LRP1B: variants seen among roughly 807,000 people sequenced by gnomAD.
LRP1B encodes the protein LDL receptor related protein 1B.
A neutral mutation model predicts 556.6 loss-of-function variants in LRP1B; 217 were observed. That is an observed-to-expected ratio of 0.39 (90% CI 0.35 to 0.44). The LOEUF is 0.44. Ranked by LOEUF, LRP1B falls within the 20% of genes least tolerant of loss-of-function variation. The pLI, the probability that LRP1B is intolerant of heterozygous loss-of-function variation, is 1.00. For missense variants in LRP1B, 5,053 were observed against 5,620.8 expected (o/e 0.90, Z 3.23); for synonymous variants, 2,047 against 1,865.8 (o/e 1.10, Z -2.50).
chr2:141,292,295 T>C (rs1686003045), intron 3 of LRP1B, among the ~76,000 whole-genome samples: 2 of 152,192 alleles, frequency 1.3e-5, no homozygotes, highest in Admixed American at 6.5e-5. Flanking sequence ...ACCAAAAATG[T>C]TGGGGACCAC....
intron 2 of LRP1B, among the ~76,000 whole-genome samples, chr2:141,733,009 T>C (rs1693333318): frequency 6.6e-6 from 1 of 152,088 alleles, no homozygotes; most frequent in Non-Finnish European, 1.5e-5. Context: ...ATATTCTAGT[T>C]CCAATGGCAA....
chr2:142,052,260 C>G (rs1704489431), intron 1 of LRP1B, among the ~76,000 whole-genome samples: 1 of 151,928 alleles, frequency 6.6e-6, no homozygotes, highest in African/African-American at 2.4e-5. Flanking sequence ...CTTTAAAACC[C>G]CTATAAACAT....
chr2:140,926,250 A>T (rs1157004970), intron 20 of LRP1B, among the ~76,000 whole-genome samples: 1 of 152,036 alleles, frequency 6.6e-6, no homozygotes, highest in Non-Finnish European at 1.5e-5. Context: ...GCACATACAC[A>T]TCATTAATGT....
At chr2:141,769,286 C>T (rs915411651) in intron 2 of LRP1B, among the ~76,000 whole-genome samples, 1 of 152,180 alleles carries the variant, frequency 6.6e-6, no homozygotes, top group African/African-American at 2.4e-5. Context: ...ACTGTGCAAA[C>T]AATTTCTGCA....
At chr2:140,701,472 T>G (rs1054948787) in intron 40 of LRP1B, among the ~76,000 whole-genome samples, 1 of 152,188 alleles carries the variant, frequency 6.6e-6, no homozygotes, top group South Asian at 2.1e-4. Context: ...CCAAAACCTA[T>G]AATCAAGACA....
At chr2:140,669,403 A>C (rs1685401733) in intron 41 of LRP1B, among the ~76,000 whole-genome samples, 1 of 152,116 alleles carries the variant, frequency 6.6e-6, no homozygotes, top group South Asian at 2.1e-4. Flanking sequence ...TGGAGGGAAG[A>C]CCATTTAGGA....
intron 2 of LRP1B, among the ~76,000 whole-genome samples, chr2:141,625,062 C>G (rs1190272491): frequency 6.6e-6 from 1 of 152,102 alleles, no homozygotes; most frequent in Non-Finnish European, 1.5e-5. Flanking sequence ...GCCACCGCAC[C>G]TGGCAGGGTT....
chr2:140,736,304 G>A (rs1203126181), intron 35 of LRP1B, among the ~76,000 whole-genome samples: 1 of 152,074 alleles, frequency 6.6e-6, no homozygotes. Flanking sequence ...AAGTTCAGTG[G>A]TTACTCTACT....
chr2:140,748,361 A>ATTT, intron 35 of LRP1B, among the ~76,000 whole-genome samples: 1 of 116,924 alleles, frequency 8.6e-6, no homozygotes, highest in African/African-American at 3.4e-5. Flanking sequence ...TATATAATAT[A>ATTT]TATTTATATA....
intron 5 of LRP1B, among the ~76,000 whole-genome samples, chr2:141,234,815 G>A (rs1049941678): frequency 6.6e-6 from 1 of 152,026 alleles, no homozygotes; most frequent in African/African-American, 2.4e-5. Flanking sequence ...AAAAAAGAAA[G>A]AGAAAGTATT....
At chr2:141,727,860 C>T (rs1267588964) in intron 2 of LRP1B, among the ~76,000 whole-genome samples, 7 of 152,014 alleles carry the variant, frequency 4.6e-5, no homozygotes, top group Admixed American at 4.6e-4. Context: ...AGTATCTCCT[C>T]AAGTTGTGCA....
intron 1 of LRP1B, among the ~76,000 whole-genome samples, chr2:141,941,168 G>A (rs1700788416): frequency 6.6e-6 from 1 of 152,188 alleles, no homozygotes; most frequent in Admixed American, 6.5e-5. Context: ...ACCATTTCAG[G>A]ACTCCTCAAA....
chr2:141,151,178 C>T (rs548975696), intron 7 of LRP1B, among the ~76,000 whole-genome samples: 1 of 151,916 alleles, frequency 6.6e-6, no homozygotes, highest in Admixed American at 6.6e-5. Flanking sequence ...GTGGAGGACC[C>T]GAAGATCTCA....
At chr2:141,225,015 A>G (rs2105284531) in intron 6 of LRP1B, among the ~76,000 whole-genome samples, 1 of 152,302 alleles carries the variant, frequency 6.6e-6, no homozygotes, top group African/African-American at 2.4e-5. Flanking sequence ...TCAGAATTCA[A>G]TAATTATGCA....
chr2:140,347,130 G>T (rs953484576), intron 77 of LRP1B, among the ~76,000 whole-genome samples: 1 of 151,464 alleles, frequency 6.6e-6, no homozygotes, highest in Non-Finnish European at 1.5e-5. Context: ...TTTTTGTATA[G>T]CATTTCATAC....
intron 1 of LRP1B, among the ~76,000 whole-genome samples, chr2:141,948,177 T>C (rs1701008803): frequency 6.6e-6 from 1 of 151,956 alleles, no homozygotes. Context: ...CGCATGCTTG[T>C]GGTCCCAGCT....
At chr2:141,623,254 A>G (rs1230352480) in intron 2 of LRP1B, among the ~76,000 whole-genome samples, 2 of 152,210 alleles carry the variant, frequency 1.3e-5, no homozygotes, top group African/African-American at 4.8e-5. Context: ...AATTAATGAA[A>G]CCACATTCTT....
intron 66 of LRP1B, among the ~76,000 whole-genome samples, chr2:140,423,316 C>A (rs982584075): frequency 6.6e-6 from 1 of 151,774 alleles, no homozygotes; most frequent in African/African-American, 2.4e-5. Context: ...AAAATCTGGA[C>A]AATACAAGCT....
intron 85 of LRP1B, among the ~76,000 whole-genome samples, 179 bp from the exon 86 acceptor site, chr2:140,270,525 G>T (rs554547695): frequency 4.5e-4 from 69 of 151,986 alleles, no homozygotes; most frequent in Non-Finnish European, 8.5e-4. Context: ...ATGTCAGAAT[G>T]ATGTCATAAA....
Sources: gnomAD v4.1 joint callset for allele counts (sites outside exome capture counted in the v4.1 genomes callset) on GRCh38, gnomAD v4.1.1 for gene constraint, MANE v1.5 for transcripts, NCBI Gene and HGNC (gene_info 2026-07-23, HGNC 2026-07-21) for gene names.